GNG7: variants seen among roughly 807,000 people sequenced by gnomAD.
GNG7 encodes the protein guanine nucleotide-binding protein G(I)/G(S)/G(O) subunit gamma-7.
In GNG7, 1 loss-of-function variant was observed where a neutral mutation model predicts 4.0. The ratio of observed to expected loss-of-function variants is 0.25; its 90% confidence interval spans 0.09 to 1.18. GNG7 has a LOEUF of 1.18. GNG7 is among the 50% of genes most tolerant of loss of function. The pLI is 0.50. For missense variants in GNG7, 86 were observed against 91.9 expected (o/e 0.94, Z 0.26); for synonymous variants, 34 against 36.9 (o/e 0.92, Z 0.29).
At position 2,615,115 on chromosome 19, in the gene GNG7, C is replaced by T. The variant is rs372745626; in HGVS notation, c.-78+31109G>A. Among the ~76,000 whole-genome samples the T allele has an allele frequency of 7.6e-4, 115 of 151,850 alleles. 1 individual carries two copies. In the South Asian group the frequency reaches 0.02, roughly 26 times the overall value. On this transcript the variant is annotated intron_variant, in intron 2 of 4. Coordinates refer to ENST00000382159, the MANE Select transcript of GNG7 (RefSeq NM_052847.3). The stretch of plus-strand genomic sequence containing the variant: ...ATAGCCCCGCTTTCTAGGCCACTTT[C>T]GGGGTACTGGGCGGCCACTGTCTGG...
rs542600454 is a variant in GNG7, at chr19:2,650,251, T to A, written c.-134-3971A>T. Among the ~76,000 whole-genome samples, 5 of 145,428 alleles carry A rather than the reference T, an allele frequency of 3.4e-5. No individual in the cohort carries two copies. In the East Asian group the frequency reaches 1.0e-3, roughly 29 times the overall value. ...CAGGCTGGAGTGCAGTGGGGCACGA[T>A]CTCGGCTCACGGCAACCTCCACCTC... is the stretch of plus-strand genomic sequence containing the variant. On this transcript the variant is annotated intron_variant, in intron 1 of 4. Transcript: ENST00000382159.
chr19:2,528,775 A>G (rs1197473242), intron 3 of GNG7, among the ~76,000 whole-genome samples: 1 of 152,138 alleles, frequency 6.6e-6, no homozygotes. Flanking sequence ...CCTCTGTTGG[A>G]ATTCTCAGAG....
chr19:2,681,783 T>C (rs903432979), intron 1 of GNG7, among the ~76,000 whole-genome samples: 29 of 152,218 alleles, frequency 1.9e-4, no homozygotes, highest in Non-Finnish European at 4.4e-5. Context: ...TTGTGATTGT[T>C]TGTTGTTTTG....
intron 1 of GNG7, among the ~76,000 whole-genome samples, chr19:2,665,435 T>G (rs993012522): frequency 6.6e-6 from 1 of 151,198 alleles, no homozygotes; most frequent in African/African-American, 2.4e-5. Flanking sequence ...AACTGGAATG[T>G]CTGGTGAGAC....
chr19:2,673,265 AAACAAAACAAAACAAAACAAAAC>A lies in GNG7; in HGVS notation c.-134-27008_-134-26986del, dbSNP rs1424341475. ...AGAGCGAGATTCCATCTCAAAAAAA[AAACAAAACAAAACAAAACAAAAC>A]AAAAAAAAACCCAGCAGGTCATCAA... On this transcript the variant is annotated intron_variant, in intron 1 of 4. Transcript: ENST00000382159. Among the ~76,000 whole-genome samples the A allele has an allele frequency of 2.8e-5, 4 of 142,550 alleles. No homozygotes were observed. In the East Asian group the frequency reaches 8.5e-4, roughly 30 times the overall value. The allele number at this position is 142,550 out of a possible 152,430, so 93.5% of individuals were successfully genotyped here.
chr19:2,547,830 G>A (rs940924887), intron 3 of GNG7, among the ~76,000 whole-genome samples: 4 of 152,176 alleles, frequency 2.6e-5, no homozygotes, highest in African/African-American at 7.2e-5. Flanking sequence ...GGCAGCCCTC[G>A]GATGTGAAGT....
At chr19:2,517,827 C>T (rs1369880451) in intron 4 of GNG7, among the ~76,000 whole-genome samples, 1 of 152,226 alleles carries the variant, frequency 6.6e-6, no homozygotes, top group Non-Finnish European at 1.5e-5. Context: ...CTCTGCATCC[C>T]AGATCCTCTG....
At chr19:2,536,425 A>AAAAAAG (rs976708789) in intron 3 of GNG7, among the ~76,000 whole-genome samples, 1 of 152,036 alleles carries the variant, frequency 6.6e-6, no homozygotes, top group Non-Finnish European at 1.5e-5. Flanking sequence ...TCTCAAAAAA[A>AAAAAAG]AAAAGAAAAG....
At chr19:2,692,530 GA>G (rs1451281270) in intron 1 of GNG7, among the ~76,000 whole-genome samples, 3 of 151,806 alleles carry the variant, frequency 2.0e-5, no homozygotes, top group Admixed American at 2.0e-4. Flanking sequence ...AGCTACTCGG[GA>G]GGCTGAGGCA....
chr19:2,680,501 A>G (rs1162058585), intron 1 of GNG7, among the ~76,000 whole-genome samples: 3 of 152,068 alleles, frequency 2.0e-5, no homozygotes, highest in Non-Finnish European at 4.4e-5. Flanking sequence ...AAAAATTAAA[A>G]GCTCTGAAAA....
intron 2 of GNG7, among the ~76,000 whole-genome samples, chr19:2,581,466 A>C (rs1186372209): frequency 6.6e-6 from 1 of 151,544 alleles, no homozygotes. Context: ...AACAGGTCTG[A>C]GGCTGTGGGG....
At chr19:2,526,448 G>GTGTAA (rs1568231951) in intron 3 of GNG7, among the ~76,000 whole-genome samples, 2 of 147,846 alleles carry the variant, frequency 1.4e-5, no homozygotes, top group Non-Finnish European at 3.0e-5. Flanking sequence ...TTATACTATA[G>GTGTAA]TATTATACAT....
Position 2,634,899 on chromosome 19 carries a change from AC to A in GNG7, c.-78+11324del, listed in dbSNP as rs1982266706. Among the ~76,000 whole-genome samples, 2 of 151,546 alleles carry A rather than the reference AC, an allele frequency of 1.3e-5. No individual in the cohort carries two copies. ...GCAGAAATGTTACCAAAAAAAAAAA[AC>A]CCTCGCCGGGAGAACAAGGAGCTAC... is the stretch of plus-strand genomic sequence containing the variant. On this transcript the variant is annotated intron_variant, in intron 2 of 4. Coordinates refer to ENST00000382159, the MANE Select transcript of GNG7 (RefSeq NM_052847.3). This position sits in a 1 kb window ranked among gnomAD's most constrained non-coding sequence, Gnocchi z 5.3.
At chr19:2,702,234 C>T (rs1025722606) in intron 1 of GNG7, among the ~76,000 whole-genome samples, 1 of 149,168 alleles carries the variant, frequency 6.7e-6, no homozygotes, top group Non-Finnish European at 1.5e-5. Context: ...CCCCAGCTAA[C>T]CTGGACCTGC....
chr19:2,621,521 A>C (rs1326852738), intron 2 of GNG7, among the ~76,000 whole-genome samples: 1 of 151,836 alleles, frequency 6.6e-6, no homozygotes, highest in African/African-American at 2.4e-5. Flanking sequence ...AACATGGACA[A>C]ACCTCATCTC....
chr19:2,635,034 C>T (rs775143693), intron 2 of GNG7, among the ~76,000 whole-genome samples: 25 of 152,356 alleles, frequency 1.6e-4, no homozygotes, highest in South Asian at 1.0e-3. Context: ...GGTTCTCACC[C>T]GGGTTCTGTG....
intron 1 of GNG7, among the ~76,000 whole-genome samples, chr19:2,664,071 G>C (rs542480985): frequency 6.6e-5 from 10 of 152,326 alleles, no homozygotes; most frequent in African/African-American, 2.4e-4. Context: ...CCAGGGACCT[G>C]ACATTTGATG....
chr19:2,554,169 T>C (rs1979474173), intron 3 of GNG7, among the ~76,000 whole-genome samples: 1 of 145,982 alleles, frequency 6.9e-6, no homozygotes, highest in Non-Finnish European at 1.5e-5. Flanking sequence ...ATATATAATA[T>C]ATAATATATA....
intron 3 of GNG7, among the ~76,000 whole-genome samples, chr19:2,528,765 C>A (rs149478104): frequency 3.9e-5 from 6 of 152,170 alleles, no homozygotes; most frequent in Admixed American, 1.3e-4. Flanking sequence ...GCCCCAGTGA[C>A]CTCTGTTGGA....
Sources: gnomAD v4.1 joint callset for allele counts (sites outside exome capture counted in the v4.1 genomes callset) on GRCh38, gnomAD v4.1.1 for gene constraint, Gnocchi (gnomAD v3.1) non-coding constraint, MANE v1.5 for transcripts, NCBI Gene and HGNC (gene_info 2026-07-23, HGNC 2026-07-21) for gene names.